TTC28: variants seen among roughly 807,000 people sequenced by gnomAD.
TTC28 encodes the protein tetratricopeptide repeat protein 28.
TTC28 carries 61 observed loss-of-function variants against 198.0 expected under a neutral mutation model. The observed-to-expected ratio is 0.31, with a 90% CI of 0.25 to 0.38. The LOEUF is 0.38. Among genes scored for constraint, TTC28 ranks in the 10% least tolerant of loss-of-function variants. TTC28 has a pLI of 1.00. For missense variants in TTC28, 2,678 were observed against 3,164.0 expected (o/e 0.85, Z 3.69); for synonymous variants, 1,171 against 1,297.8 (o/e 0.90, Z 2.10).
intron 2 of TTC28, among the ~76,000 whole-genome samples, chr22:28,446,181 A>C (rs2047697610): frequency 6.6e-6 from 1 of 152,022 alleles, no homozygotes; most frequent in African/African-American, 2.4e-5. Flanking sequence ...TGTCTTGTTC[A>C]ACTTTGTAAT....
rs534934523 is a variant in TTC28 at position 28,182,782 on chromosome 22, T to C, written c.934-19183A>G. Among the ~76,000 whole-genome samples the C allele has an allele frequency of 7.2e-5, 11 of 152,332 alleles. No individual in the cohort carries two copies. In the South Asian group the frequency reaches 1.4e-3, roughly 20 times the overall value. On this transcript the variant is annotated intron_variant, in intron 5 of 22. Transcript: ENST00000397906. ...TTAACCTCTATCCCCTGTTGAATGATTCCAAACCCAGATTTCACAACAAAC... is the reference window on the plus strand; with the variant it reads ...TTAACCTCTATCCCCTGTTGAATGACTCCAAACCCAGATTTCACAACAAAC...
At chr22:28,340,019 G>A (rs140535436) in intron 2 of TTC28, among the ~76,000 whole-genome samples, 3 of 152,206 alleles carry the variant, frequency 2.0e-5, no homozygotes, top group East Asian at 3.9e-4. Flanking sequence ...GTTCCTATTC[G>A]GCCATGTTGG....
At chr22:28,453,977 T>G (rs540972516) in intron 2 of TTC28, among the ~76,000 whole-genome samples, 6 of 152,238 alleles carry the variant, frequency 3.9e-5, no homozygotes, top group Admixed American at 6.5e-5. Flanking sequence ...CCCTTAACTG[T>G]GCTGCAGCTA....
At chr22:28,046,838 T>C (rs948134646) in intron 12 of TTC28, among the ~76,000 whole-genome samples, 1 of 152,160 alleles carries the variant, frequency 6.6e-6, no homozygotes, top group Admixed American at 6.5e-5. Context: ...ATGATTGTTG[T>C]ATGTGTGGAT....
At chr22:28,197,511 TGTAA>T (rs1925493159) in intron 5 of TTC28, among the ~76,000 whole-genome samples, 1 of 151,810 alleles carries the variant, frequency 6.6e-6, no homozygotes. Flanking sequence ...TAGAAGCAAA[TGTAA>T]GTGATTACTT....
At chr22:28,438,544 CT>C (rs1356374192) in intron 2 of TTC28, among the ~76,000 whole-genome samples, 3 of 152,090 alleles carry the variant, frequency 2.0e-5, no homozygotes, top group Non-Finnish European at 4.4e-5. Context: ...TATTAATGGT[CT>C]TTTATTATGT....
chr22:28,049,771 T>C (rs1321341724), intron 12 of TTC28, among the ~76,000 whole-genome samples: 2 of 151,964 alleles, frequency 1.3e-5, no homozygotes, highest in Non-Finnish European at 2.9e-5. Context: ...AGCACACTGG[T>C]GTGTGAGGGG....
intron 5 of TTC28, among the ~76,000 whole-genome samples, chr22:28,291,835 A>G (rs1324114898): frequency 6.6e-6 from 1 of 152,206 alleles, no homozygotes; most frequent in African/African-American, 2.4e-5. Context: ...AATTATGAGA[A>G]AGTCATAAGA....
chr22:28,082,859 G>A (rs904405449), intron 12 of TTC28, among the ~76,000 whole-genome samples: 1 of 152,122 alleles, frequency 6.6e-6, no homozygotes, highest in African/African-American at 2.4e-5. Context: ...ATTCCCCAGT[G>A]AATACATCTG....
intron 2 of TTC28, among the ~76,000 whole-genome samples, chr22:28,402,350 T>C (rs968400167): frequency 1.3e-5 from 2 of 152,226 alleles, no homozygotes; most frequent in Non-Finnish European, 2.9e-5. Context: ...AAGCATAGAA[T>C]GTCAGTTCAC....
Position 27,980,644 on chromosome 22 carries a change from C to T in TTC28, c.*1577G>A, listed in dbSNP as rs1188491408. The T allele has an allele frequency of 6.6e-6, 1 of 152,280 alleles. No homozygotes were observed. The highest frequency in any genetic ancestry group is 2.4e-5 in the African/African-American group (1 of 41,476). 9.4% of individuals were successfully genotyped at this position (152,280 alleles called of 1,614,324 possible). On this transcript the variant is annotated 3_prime_UTR_variant, in exon 23 of 23. Transcript: ENST00000397906. Reference sequence around the variant, plus strand: ...CTCCATGTGCTGCTGGTGGCCCAGGCCAGGTGGCCGCCCACCTTCATGAGG... The same window carrying T: ...CTCCATGTGCTGCTGGTGGCCCAGGTCAGGTGGCCGCCCACCTTCATGAGG...
At chr22:28,190,662 A>G (rs572575864) in intron 5 of TTC28, among the ~76,000 whole-genome samples, 1 of 152,302 alleles carries the variant, frequency 6.6e-6, no homozygotes, top group South Asian at 2.1e-4. Flanking sequence ...AGATCTGACA[A>G]CTCTGACCCA....
At chr22:28,436,556 A>T (rs1165569428) in intron 2 of TTC28, among the ~76,000 whole-genome samples, 3 of 152,238 alleles carry the variant, frequency 2.0e-5, no homozygotes, top group Non-Finnish European at 4.4e-5. Context: ...GAACATGAGG[A>T]GAAGGCCCTC....
At chr22:28,178,239 G>A (rs565315566) in intron 5 of TTC28, among the ~76,000 whole-genome samples, 1 of 150,984 alleles carries the variant, frequency 6.6e-6, no homozygotes, top group South Asian at 2.1e-4. Flanking sequence ...CAGATCACCT[G>A]AGGTCAGGAG....
chr22:28,077,967 G>A (rs1941221983), intron 12 of TTC28, among the ~76,000 whole-genome samples: 1 of 152,136 alleles, frequency 6.6e-6, no homozygotes, highest in Admixed American at 6.6e-5. Context: ...TTTACATACT[G>A]CAAGATGCTG....
chr22:28,120,830 C>T (rs1193018856), intron 6 of TTC28, among the ~76,000 whole-genome samples: 3 of 152,122 alleles, frequency 2.0e-5, no homozygotes, highest in Non-Finnish European at 4.4e-5. Flanking sequence ...CCAAGGCAAT[C>T]GGGTCTGAAA....
In TTC28 at chr22:28,127,684, C is replaced by G. The variant is rs78693453; in HGVS notation, c.1442-19281G>C. Among the ~76,000 whole-genome samples the G allele has an allele frequency of 9.2e-3, 1,408 of 152,218 alleles. 46 individuals are homozygous for G. The highest frequency in any genetic ancestry group is 0.067 in the East Asian group (349 of 5,176). Reference sequence around the variant, plus strand: ...AAATATATTATTAAAATTATTTCATCCTTTTTTAACTTTTAAAATGCAGCC... The same window carrying G: ...AAATATATTATTAAAATTATTTCATGCTTTTTTAACTTTTAAAATGCAGCC... On this transcript the variant is annotated intron_variant, in intron 6 of 22. Transcript: ENST00000397906.
intron 3 of TTC28, among the ~76,000 whole-genome samples, chr22:28,304,011 C>T (rs1346015232): frequency 6.6e-6 from 1 of 152,056 alleles, no homozygotes; most frequent in African/African-American, 2.4e-5. Flanking sequence ...AGCAGCCGGG[C>T]GCGGTGGCTC....
At chr22:28,075,383 C>CT (rs548949694) in intron 12 of TTC28, among the ~76,000 whole-genome samples, 120 of 151,604 alleles carry the variant, frequency 7.9e-4, no homozygotes, top group South Asian at 1.9e-3. Flanking sequence ...GTGGCATCAA[C>CT]TTTTTTTTTC....
Sources: allele counts gnomAD v4.1 joint callset (sites outside exome capture counted in the v4.1 genomes callset), GRCh38; gene constraint gnomAD v4.1.1; transcripts MANE v1.5; gene names NCBI Gene and HGNC (gene_info 2026-07-23, HGNC 2026-07-21).